The following CCDC149 variants were observed in gnomAD, a reference collection of about 807,000 sequenced individuals.
CCDC149 encodes the protein coiled-coil domain containing 149, also known as coiled-coil domain-containing protein 149.
CCDC149 carries 45 observed loss-of-function variants against 59.9 expected under a neutral mutation model. The ratio of observed to expected loss-of-function variants is 0.75; its 90% confidence interval spans 0.59 to 0.96. The LOEUF is 0.96. Among genes scored for constraint, CCDC149 ranks in the 40% least tolerant of loss-of-function variants. The pLI is 0.00. For missense variants in CCDC149, 584 were observed against 664.7 expected (o/e 0.88, Z 1.33); for synonymous variants, 245 against 260.6 (o/e 0.94, Z 0.58).
chr4:24,920,866 G>A (rs911339171), intron 1 of CCDC149, among the ~76,000 whole-genome samples: 1 of 152,064 alleles, frequency 6.6e-6, no homozygotes, highest in African/African-American at 2.4e-5. Context: ...CAGTTCAGGG[G>A]TCACTTAAGC....
At chr4:24,979,405 C>G (rs1447102384) in intron 1 of CCDC149, among the ~76,000 whole-genome samples, 1 of 152,144 alleles carries the variant, frequency 6.6e-6, no homozygotes, top group Non-Finnish European at 1.5e-5. Context: ...ACAGGGTCTG[C>G]TATACCTTAG....
intron 1 of CCDC149, among the ~76,000 whole-genome samples, chr4:24,904,468 T>A (rs1721358626): frequency 6.6e-6 from 1 of 152,194 alleles, no homozygotes; most frequent in African/African-American, 2.4e-5. Flanking sequence ...AGAAAGTTAT[T>A]CGGTTGTATA....
At chr4:24,916,598 G>A (rs552765851), upstream of CCDC149, among the ~76,000 whole-genome samples, 8 of 152,144 alleles carry the variant, frequency 5.3e-5, no homozygotes, top group South Asian at 8.3e-4. Flanking sequence ...AGCAAAATTC[G>A]GGCTGTTGGA....
At chr4:24,870,592 A>G (rs1718982763) in intron 3 of CCDC149, among the ~76,000 whole-genome samples, 2 of 152,228 alleles carry the variant, frequency 1.3e-5, no homozygotes, top group Non-Finnish European at 2.9e-5. Context: ...TTGAACTTAT[A>G]TTTTTAGAGC....
At chr4:24,912,182 C>A (rs1577480368) in intron 1 of CCDC149, among the ~76,000 whole-genome samples, 2 of 152,200 alleles carry the variant, frequency 1.3e-5, no homozygotes, top group East Asian at 3.9e-4. Context: ...AAAAGAGTCG[C>A]AGGGCAGGGG....
rs535338622 is a variant in CCDC149, at chr4:24,957,474, A to G, written c.-65+22595T>C. On this transcript the variant is annotated intron_variant, in intron 1 of 12. Coordinates refer to the CCDC149 transcript ENST00000389609. ...TGAAGGTGTTGGCCTAAAAGGGACC[A>G]CCACCATAGTACAATCCCATTCAGG... 9.8e-5 allele frequency among the ~76,000 whole-genome samples: 15 copies of G among 152,318 alleles called. No individual in the cohort carries two copies. In the South Asian group the frequency reaches 3.1e-3, roughly 32 times the overall value.
Position 24,837,089 on chromosome 4 carries a change from T to A in CCDC149, c.662+139A>T. The A allele has an allele frequency of 3.9e-6, 3 of 775,904 alleles. No individual in the cohort carries two copies. The highest frequency in any genetic ancestry group is 6.1e-6 in the Non-Finnish European group (3 of 491,176). 48.1% of individuals were successfully genotyped at this position (775,904 alleles called of 1,614,324 possible). A position where few individuals can be genotyped will look rare whatever the true frequency, so the allele number is the denominator to read the frequency against. On this transcript the variant is annotated intron_variant, in intron 6 of 12. Coordinates refer to ENST00000635206, the MANE Select transcript of CCDC149 (RefSeq NM_001330643.2). The surrounding 1 kb of genome is among the most constrained non-coding windows in gnomAD (Gnocchi z 4.3). ...CAACTAATACATGGCATTGATGTCA[T>A]CATTTCGGGGGAGTGAGTTTCTTTT...
Position 24,912,905 on chromosome 4 carries a change from G to A in CCDC149, c.-26C>T. The A allele has an allele frequency of 7.0e-6, 9 of 1,284,652 alleles. No homozygotes were observed. The highest frequency in any genetic ancestry group is 4.2e-5 in the East Asian group (1 of 23,810). 79.6% of individuals were successfully genotyped at this position (1,284,652 alleles called of 1,614,324 possible). ...GCGCTGGCCGGCCTCCTGGACCCCC[G>A]CCGCCTCCTCCTCCTCGCGACGTCG... On this transcript the variant is annotated 5_prime_UTR_variant, in exon 1 of 13. Transcript: ENST00000635206.
In CCDC149 at chr4:24,808,399, A is replaced by G. The variant is rs1399319406; in HGVS notation, c.1613T>C (p.Val538Ala). The G allele has an allele frequency of 6.9e-7, 1 of 1,449,920 alleles. No individual in the cohort carries two copies. Among genetic ancestry groups the G allele is most frequent in the Non-Finnish European group, 9.1e-7 (1 of 1,099,436 alleles). 89.8% of individuals were successfully genotyped at this position (1,449,920 alleles called of 1,614,324 possible). A position where few individuals can be genotyped will look rare whatever the true frequency, so the allele number is the denominator to read the frequency against. Residue 538 changes from valine to alanine, a missense_variant, in exon 13 of 13, where the codon GTG becomes GCG. Coordinates refer to ENST00000635206, the MANE Select transcript of CCDC149 (RefSeq NM_001330643.2). ...AGATCCCTCTCCCCTTCAGGTTTTC[A>G]CGGTGCTCCTCATGCCTCCGCCCTC...
At chr4:24,904,946 G>A (rs929292875) in intron 1 of CCDC149, among the ~76,000 whole-genome samples, 3 of 152,104 alleles carry the variant, frequency 2.0e-5, no homozygotes, top group Non-Finnish European at 2.9e-5. Flanking sequence ...CTGTCGCCCA[G>A]GCTGGAGTGC....
At chr4:24,810,715 T>TA (rs1420887647) in intron 12 of CCDC149, among the ~76,000 whole-genome samples, 16 of 152,106 alleles carry the variant, frequency 1.1e-4, no homozygotes, top group African/African-American at 3.9e-4. Flanking sequence ...GAAAAAGAGA[T>TA]AGAAATTGAG....
intron 1 of CCDC149, among the ~76,000 whole-genome samples, chr4:24,967,064 G>A (rs370793848): frequency 2.0e-5 from 3 of 152,176 alleles, no homozygotes; most frequent in Admixed American, 2.0e-4. Flanking sequence ...TCAGCACCCT[G>A]ACATCGGCTG....
chr4:24,902,510 G>A (rs557759894), intron 1 of CCDC149, among the ~76,000 whole-genome samples: 24 of 152,144 alleles, frequency 1.6e-4, no homozygotes, highest in African/African-American at 5.5e-4. Flanking sequence ...CCTTTATCTG[G>A]AGCATCTCCG....
rs1167107103 is a variant in CCDC149 at position 24,807,270 on chromosome 4, T to A, written c.*1119A>T. ...TCTGAAAGGAAAGAACCAGCTAGAA[T>A]TGAGCATGCCCTCCTTTCCCATCCC... is the stretch of plus-strand genomic sequence containing the variant. On this transcript the variant is annotated 3_prime_UTR_variant, in exon 13 of 13. Transcript: ENST00000635206. 6.6e-6 allele frequency: 1 copy of A among 152,220 alleles called. No individual in the cohort carries two copies. Among genetic ancestry groups the A allele is most frequent in the Non-Finnish European group, 1.5e-5 (1 of 68,052 alleles). The allele number at this position is 152,220 out of a possible 1,614,324, so 9.4% of individuals were successfully genotyped here. A position where few individuals can be genotyped will look rare whatever the true frequency, so the allele number is the denominator to read the frequency against.
chr4:24,840,553 C>T lies in CCDC149; in HGVS notation c.373-2281G>A, dbSNP rs528268774. Among the ~76,000 whole-genome samples, 9 of 152,220 alleles carry T rather than the reference C, an allele frequency of 5.9e-5. No homozygotes were observed. The East Asian group carries it at 1.7e-3, about 29-fold the overall frequency. ...AAGGCCACATTCTGCCTTCTTGTTT[C>T]AGCCCTTGGATTGTAAACAAATGTC... is the stretch of plus-strand genomic sequence containing the variant. On this transcript the variant is annotated intron_variant, in intron 4 of 12. Coordinates refer to ENST00000635206, the MANE Select transcript of CCDC149 (RefSeq NM_001330643.2).
At position 24,831,485 on chromosome 4, in the gene CCDC149, C is replaced by T. The variant is rs764298436; in HGVS notation, c.965+21G>A. The T allele has an allele frequency of 9.9e-6, 16 of 1,612,850 alleles. No homozygotes were observed. The South Asian group carries it at 1.3e-4, about 13-fold the overall frequency. On this transcript the variant is annotated intron_variant, in intron 9 of 12. Coordinates refer to ENST00000635206, the MANE Select transcript of CCDC149 (RefSeq NM_001330643.2). ...CACTTCCTTCGCGCCCACCCCCCAACACAAGAGTTTGGCCACCTACTTGTT... is the reference window on the plus strand; with the variant it reads ...CACTTCCTTCGCGCCCACCCCCCAATACAAGAGTTTGGCCACCTACTTGTT...
At chr4:24,886,811 C>A (rs562272801) in intron 1 of CCDC149, among the ~76,000 whole-genome samples, 23 of 152,200 alleles carry the variant, frequency 1.5e-4, no homozygotes, top group African/African-American at 5.5e-4. Flanking sequence ...TTGGTACACA[C>A]CTACCAGCTG....
intron 1 of CCDC149, among the ~76,000 whole-genome samples, chr4:24,977,502 G>A (rs1335879402): frequency 6.6e-6 from 1 of 152,078 alleles, no homozygotes. Context: ...GTCATTTGTG[G>A]CCAAACAAAT....
In CCDC149 at chr4:24,873,622, A is replaced by T. The variant is rs376991170; in HGVS notation, c.264+59T>A. On this transcript the variant is annotated intron_variant, in intron 3 of 12. Coordinates refer to ENST00000635206, the MANE Select transcript of CCDC149 (RefSeq NM_001330643.2). Reference sequence around the variant, plus strand: ...GTTCTCTACATTTTGAGATTCCCTGATCCTCCCAATTGCTGCTAGGTATCA... The same window carrying T: ...GTTCTCTACATTTTGAGATTCCCTGTTCCTCCCAATTGCTGCTAGGTATCA... 3 of 1,105,874 alleles carry T rather than the reference A, an allele frequency of 2.7e-6. No homozygotes were observed. In the Admixed American group the frequency reaches 5.2e-5, roughly 19 times the overall value. The allele number at this position is 1,105,874 out of a possible 1,614,324, so 68.5% of individuals were successfully genotyped here.
Sources: allele counts gnomAD v4.1 joint callset (sites outside exome capture counted in the v4.1 genomes callset), GRCh38; gene constraint gnomAD v4.1.1; non-coding constraint Gnocchi (gnomAD v3.1); transcripts MANE v1.5; gene names NCBI Gene and HGNC (gene_info 2026-07-23, HGNC 2026-07-21).